Variants in SIPA1L3 observed in about 807,000 individuals in gnomAD.
SIPA1L3 encodes signal induced proliferation associated 1 like 3, also known as signal-induced proliferation-associated 1-like protein 3.
A neutral mutation model predicts 150.1 loss-of-function variants in SIPA1L3; 59 were observed. The ratio of observed to expected loss-of-function variants is 0.39; its 90% CI spans 0.32 to 0.49. The LOEUF is 0.49. Ranked by LOEUF, SIPA1L3 falls within the 20% of genes least tolerant of loss-of-function variation. SIPA1L3 has a pLI of 0.86. For synonymous variants in SIPA1L3, 1,070 were observed against 1,077.6 expected, an observed-to-expected ratio of 0.99 and a Z score of 0.14; for missense variants, 2,211 against 2,489.5, an observed-to-expected ratio of 0.89 and a Z score of 2.38.
chr19:38,080,394 CCCTTT>C (rs1230078025), intron 2 of SIPA1L3, among the ~76,000 whole-genome samples: 2 of 152,124 alleles, frequency 1.3e-5, no homozygotes, highest in Non-Finnish European at 2.9e-5. Context: ...GACAGGTGAC[CCCTTT>C]CCTTCAACAA....
At chr19:38,100,444 G>A (rs374087179) in intron 5 of SIPA1L3, among the ~76,000 whole-genome samples, 4 of 152,034 alleles carry the variant, frequency 2.6e-5, no homozygotes, top group South Asian at 2.1e-4. Flanking sequence ...TTTCCTCCCC[G>A]CTCCACATGC....
intron 1 of SIPA1L3, among the ~76,000 whole-genome samples, chr19:38,003,232 A>G (rs959024952): frequency 2.0e-5 from 3 of 152,206 alleles, no homozygotes; most frequent in Admixed American, 6.5e-5. Flanking sequence ...CCAATGAGCA[A>G]GGCAGGCACA....
At chr19:38,007,378 G>A (rs996153698) in intron 1 of SIPA1L3, among the ~76,000 whole-genome samples, 3 of 151,424 alleles carry the variant, frequency 2.0e-5, no homozygotes, top group Non-Finnish European at 2.9e-5. Context: ...GCGTGAACCC[G>A]GGAGGCGGAG....
intron 1 of SIPA1L3, among the ~76,000 whole-genome samples, chr19:37,992,557 A>G (rs1967535630): frequency 6.6e-6 from 1 of 152,118 alleles, no homozygotes; most frequent in Non-Finnish European, 1.5e-5. Flanking sequence ...AGGCTGAGGC[A>G]CGAGAATCAC....
At chr19:38,088,680 C>T in intron 3 of SIPA1L3, 41 bp from the exon 4 acceptor site, 1 of 1,602,610 alleles carries the variant, frequency 6.2e-7, no homozygotes, top group Admixed American at 1.7e-5. Context: ...CCCCTCCTTC[C>T]CAGACAGCTG....
intron 1 of SIPA1L3, among the ~76,000 whole-genome samples, chr19:37,946,262 G>T (rs1452554294): frequency 6.6e-6 from 1 of 152,050 alleles, no homozygotes; most frequent in Non-Finnish European, 1.5e-5. Context: ...CCTCACCAAC[G>T]CTGGGCTCAC....
intron 16 of SIPA1L3, among the ~76,000 whole-genome samples, chr19:38,189,806 G>A (rs1972766037): frequency 6.6e-6 from 1 of 152,180 alleles, no homozygotes; most frequent in Non-Finnish European, 1.5e-5. Context: ...CACGTGTCCA[G>A]TATTAGAAAC....
chr19:38,187,224 G>A (rs559041757), intron 16 of SIPA1L3, among the ~76,000 whole-genome samples: 1 of 151,948 alleles, frequency 6.6e-6, no homozygotes, highest in African/African-American at 2.4e-5. Context: ...GTCCAGGATG[G>A]GTGGATCACC....
At chr19:37,966,674 T>C (rs1299306875) in intron 1 of SIPA1L3, among the ~76,000 whole-genome samples, 3 of 152,190 alleles carry the variant, frequency 2.0e-5, no homozygotes, top group African/African-American at 7.2e-5. Flanking sequence ...TGTTTTCTTC[T>C]GTTTAGAACA....
chr19:38,181,845 CAA>C (rs572648983), intron 15 of SIPA1L3, among the ~76,000 whole-genome samples: 49 of 62,856 alleles, frequency 7.8e-4, no homozygotes, highest in Middle Eastern at 0.011. Flanking sequence ...GACTCTGTCT[CAA>C]AAAAAAAAAA....
At chr19:37,964,222 G>A (rs2046883139) in intron 1 of SIPA1L3, 1 of 152,104 alleles carries the variant, frequency 6.6e-6, no homozygotes, top group South Asian at 2.1e-4. Context: ...GGGTAACATG[G>A]CAAGACCCCA....
rs111697245 is a variant in SIPA1L3 at position 38,022,786 on chromosome 19, G to A, written c.-378-6303G>A. ...GCCTGGCATGTAGTAAAATCACAAC[G>A]AAAACCTTGTGCTTCAACCCAGAAA... On this transcript the variant is annotated intron_variant, in intron 1 of 21. Coordinates refer to ENST00000222345, the MANE Select transcript of SIPA1L3 (RefSeq NM_015073.3). Among the ~76,000 whole-genome samples the A allele has an allele frequency of 3.6e-3, 544 of 152,260 alleles. 5 individuals carry two copies. The highest frequency in any genetic ancestry group is 0.012 in the African/African-American group (514 of 41,550).
intron 2 of SIPA1L3, among the ~76,000 whole-genome samples, chr19:38,051,031 C>T (rs1234776035): frequency 1.3e-5 from 2 of 152,172 alleles, no homozygotes; most frequent in South Asian, 2.1e-4. Context: ...TGCACTCCAG[C>T]GTGGGTGACA....
intron 1 of SIPA1L3, among the ~76,000 whole-genome samples, chr19:37,942,807 C>T (rs898134437): frequency 2.0e-5 from 3 of 152,006 alleles, no homozygotes; most frequent in South Asian, 2.1e-4. Context: ...GGTTTACCAG[C>T]GGGTTCAGGC....
chr19:38,011,970 G>A (rs1182053811), intron 1 of SIPA1L3, among the ~76,000 whole-genome samples: 2 of 151,960 alleles, frequency 1.3e-5, no homozygotes, highest in African/African-American at 4.8e-5. Context: ...ATGAGGGAAG[G>A]AGGGACAGGA....
intron 8 of SIPA1L3, among the ~76,000 whole-genome samples, chr19:38,116,040 C>G (rs1970874212): frequency 1.3e-5 from 2 of 152,142 alleles, no homozygotes; most frequent in Non-Finnish European, 2.9e-5. Context: ...GTTGGAGTTT[C>G]ATGGAGTGTT....
In SIPA1L3 at chr19:38,182,503, C is replaced by G; in HGVS notation, c.4209-16C>G. On this transcript the variant is annotated splice_polypyrimidine_tract_variant and intron_variant, in intron 15 of 21. Coordinates refer to ENST00000222345, the MANE Select transcript of SIPA1L3 (RefSeq NM_015073.3). ...TGGATTTGGTTTTTTTTATCTCTTT[C>G]ATTTTTGCTTTGCAGTGACATGGGC... is the stretch of plus-strand genomic sequence containing the variant. The G allele has an allele frequency of 6.4e-7, 1 of 1,571,844 alleles. No individual in the cohort carries two copies. The highest frequency in any genetic ancestry group is 1.2e-5 in the South Asian group (1 of 86,644).
chr19:38,032,574 C>A (rs1261369743), intron 2 of SIPA1L3, among the ~76,000 whole-genome samples: 1 of 152,174 alleles, frequency 6.6e-6, no homozygotes, highest in Non-Finnish European at 1.5e-5. Context: ...CATGGTGGCT[C>A]ACACCTGTAA....
At chr19:37,923,700 C>T (rs924997004) in intron 1 of SIPA1L3, among the ~76,000 whole-genome samples, 3 of 151,736 alleles carry the variant, frequency 2.0e-5, no homozygotes, top group Admixed American at 6.6e-5. Flanking sequence ...ATACATTAAC[C>T]GTAGCTTACT....
Sources: gnomAD v4.1 joint callset for allele counts (sites outside exome capture counted in the v4.1 genomes callset) on GRCh38, gnomAD v4.1.1 for gene constraint, MANE v1.5 for transcripts, NCBI Gene and HGNC (gene_info 2026-07-23, HGNC 2026-07-21) for gene names.